The following VPS13A variants were observed in gnomAD, a reference collection of about 807,000 sequenced individuals.
VPS13A encodes vacuolar protein sorting 13 homolog A.
A neutral mutation model predicts 390.9 loss-of-function variants in VPS13A; 264 were observed. The ratio of observed to expected loss-of-function variants is 0.68; its 90% CI spans 0.61 to 0.75. VPS13A has a LOEUF of 0.75. Ranked by LOEUF, VPS13A falls within the 30% of genes least tolerant of loss-of-function variation. The pLI is 0.00. For missense variants in VPS13A, 3,409 were observed against 3,733.9 expected, an observed-to-expected ratio of 0.91 and a Z score of 2.27; for synonymous variants, 1,231 against 1,227.1, an observed-to-expected ratio of 1.00 and a Z score of -0.07.
At chr9:77,209,558 G>C (rs1212275558) in intron 6 of VPS13A, 26 bp downstream of exon 6, 9 of 1,389,082 alleles carry the variant, frequency 6.5e-6, no homozygotes, top group Non-Finnish European at 9.1e-6. Flanking sequence ...TGTGATATTT[G>C]TTTTTATATT....
In VPS13A at chr9:77,418,525, G is replaced by A. The variant is rs142358436; in HGVS notation, c.*2519G>A. 1.4e-4 allele frequency: 21 copies of A among 152,326 alleles called. No homozygotes were observed. Among genetic ancestry groups the A allele is most frequent in the Non-Finnish European group, 2.4e-4 (16 of 68,034 alleles). The allele number at this position is 152,326 out of a possible 1,614,324, so 9.4% of individuals were successfully genotyped here. A position where few individuals can be genotyped will look rare whatever the true frequency, so the allele number is the denominator to read the frequency against. On this transcript the variant is annotated 3_prime_UTR_variant, in exon 72 of 72. Transcript: ENST00000360280. ...CAAAAGGCACATACAGTTCTCCAGT[G>A]TCTTCCCTTTTAGAGTATACATATT...
chr9:77,406,933 G>A (rs1455635392), intron 70 of VPS13A, among the ~76,000 whole-genome samples: 1 of 152,028 alleles, frequency 6.6e-6, no homozygotes, highest in East Asian at 1.9e-4. Flanking sequence ...CTCTGAGACA[G>A]TCCCACTCCC....
intron 17 of VPS13A, among the ~76,000 whole-genome samples, chr9:77,237,598 C>T (rs1044746494): frequency 1.3e-5 from 2 of 152,186 alleles, no homozygotes; most frequent in Non-Finnish European, 1.5e-5. Context: ...CTCTTGACCT[C>T]AAGTTATCCA....
intron 17 of VPS13A, 103 bp downstream of exon 17, chr9:77,228,367 C>A: frequency 8.9e-7 from 1 of 1,121,424 alleles, no homozygotes; most frequent in South Asian, 1.8e-5. Context: ...ACTATAGTTT[C>A]ATATATCCTT....
At chr9:77,367,796 C>G (rs1417263047) in intron 61 of VPS13A, among the ~76,000 whole-genome samples, 2 of 152,028 alleles carry the variant, frequency 1.3e-5, no homozygotes, top group Non-Finnish European at 2.9e-5. Flanking sequence ...TCAGAACTCT[C>G]GAATTTACAT....
intron 31 of VPS13A, among the ~76,000 whole-genome samples, chr9:77,287,713 G>C (rs1827414454): frequency 6.6e-6 from 1 of 152,100 alleles, no homozygotes; most frequent in South Asian, 2.1e-4. Flanking sequence ...TCTGAGCTGT[G>C]GATTTGAGCC....
rs796098221 is a variant in VPS13A, at chr9:77,400,668, CA to C, written c.9190-2558del. On this transcript the variant is annotated intron_variant, in intron 68 of 71. Coordinates refer to ENST00000360280, the MANE Select transcript of VPS13A (RefSeq NM_033305.3). ...TGAAACCCCGTCTCTACTAAAAATA[CA>C]AAAAAAAAATTAGCCGGGCGTGGTG... Among the ~76,000 whole-genome samples, 57 of 145,902 alleles carry C rather than the reference CA, an allele frequency of 3.9e-4. No individual in the cohort carries two copies. The South Asian group carries it at 0.01, about 27-fold the overall frequency.
At position 77,394,637 on chromosome 9, in the gene VPS13A, A is replaced by G. The variant is rs147476906; in HGVS notation, c.9190-8599A>G. The stretch of plus-strand genomic sequence containing the variant: ...GCCAGGCATTTACTTCTCTCTAGCT[A>G]TGAAAGTCCTGGATAGCATCTTTCA... On this transcript the variant is annotated intron_variant, in intron 68 of 71. Coordinates refer to ENST00000360280, the MANE Select transcript of VPS13A (RefSeq NM_033305.3). 4.3e-3 allele frequency among the ~76,000 whole-genome samples: 659 copies of G among 152,328 alleles called. 4 individuals carry two copies. Among genetic ancestry groups the G allele is most frequent in the South Asian group, 0.01 (49 of 4,826 alleles).
chr9:77,256,021 T>A (rs571212072), intron 22 of VPS13A, among the ~76,000 whole-genome samples: 6 of 152,190 alleles, frequency 3.9e-5, no homozygotes, highest in African/African-American at 1.4e-4. Context: ...TTATTTTTTT[T>A]ATTTCGGGTA....
intron 45 of VPS13A, 139 bp downstream of exon 45, chr9:77,323,366 C>T (rs2131455565): frequency 9.7e-7 from 1 of 1,029,154 alleles, no homozygotes; most frequent in East Asian, 2.6e-5. Context: ...AGAAGACTCA[C>T]TACCACCAGT....
intron 3 of VPS13A, among the ~76,000 whole-genome samples, chr9:77,205,030 ATTGTT>A (rs1223801967): frequency 1.3e-5 from 2 of 152,222 alleles, no homozygotes; most frequent in African/African-American, 4.8e-5. Flanking sequence ...GAAGAAGAAC[ATTGTT>A]TTGTTTATGG....
rs1825675190 is a variant in VPS13A, at chr9:77,207,055, TTTTTA to T, written c.385+983_385+987del. 2.0e-5 allele frequency among the ~76,000 whole-genome samples: 3 copies of T among 149,992 alleles called. No homozygotes were observed. The South Asian group carries it at 6.3e-4, about 31-fold the overall frequency. On this transcript the variant is annotated intron_variant, in intron 5 of 71. Transcript: ENST00000360280. ...TTAGGCCTTTTCTTTTTAAAAATTATTTTTATTTTATCAAGATAATATATATACAT... is the reference window on the plus strand; with the variant it reads ...TTAGGCCTTTTCTTTTTAAAAATTATTTTTATCAAGATAATATATATACAT...
chr9:77,220,333 A>G lies in VPS13A; in HGVS notation c.939A>G (p.Pro313=), dbSNP rs770808395. 2.5e-6 allele frequency: 4 copies of G among 1,612,788 alleles called. No homozygotes were observed. The highest frequency in any genetic ancestry group is 2.5e-6 in the Non-Finnish European group (3 of 1,179,342). ...ESVDMMAQNL[P]YRKFKPDVPL... ...TTGATATGATGGCACAAAATCTGCC[A>G]TATAGGAAGTTCAAACCTGATGTGC... The change falls in exon 12 of 72, where the codon CCA becomes CCG. Residue 313 remains proline, a synonymous_variant. Coordinates refer to ENST00000360280, the MANE Select transcript of VPS13A (RefSeq NM_033305.3).
chr9:77,359,301 C>A, intron 57 of VPS13A, 32 bp from the exon 58 acceptor site: 1 of 1,588,842 alleles, frequency 6.3e-7, no homozygotes, highest in Non-Finnish European at 8.6e-7. Context: ...CTTAAAGCAT[C>A]ATGGGAGTAA....
At chr9:77,244,979 G>A (rs1824722109) in intron 19 of VPS13A, among the ~76,000 whole-genome samples, 1 of 152,150 alleles carries the variant, frequency 6.6e-6, no homozygotes, top group African/African-American at 2.4e-5. Context: ...AAACAATTGG[G>A]TGAATTTGGA....
rs77016255 is a variant in VPS13A at position 77,391,512 on chromosome 9, T to C, written c.9189+9425T>C. ...TTTTGTCAGTTAAGAATCTTTTGTT[T>C]TAAATTCAAATGAAATTGATATCCT... is the stretch of plus-strand genomic sequence containing the variant. On this transcript the variant is annotated intron_variant, in intron 68 of 71. Coordinates refer to ENST00000360280, the MANE Select transcript of VPS13A (RefSeq NM_033305.3). Among the ~76,000 whole-genome samples the C allele has an allele frequency of 4.8e-3, 734 of 152,306 alleles. 6 individuals carry two copies. Among genetic ancestry groups the C allele is most frequent in the African/African-American group, 0.017 (696 of 41,562 alleles).
Position 77,282,061 on chromosome 9 carries a change from G to T in VPS13A, c.2965-60G>T. ...TTTATGCCACAAAGCATAGTGCCTT[G>T]TAGAGAGCTGGCAAGCAAATATTTA... On this transcript the variant is annotated intron_variant, in intron 28 of 71. Coordinates refer to ENST00000360280, the MANE Select transcript of VPS13A (RefSeq NM_033305.3). 3.2e-6 allele frequency: 5 copies of T among 1,558,148 alleles called. No homozygotes were observed. The South Asian group carries it at 5.6e-5, about 17-fold the overall frequency.
chr9:77,240,894 G>T (rs1824449411), intron 19 of VPS13A, among the ~76,000 whole-genome samples: 1 of 152,060 alleles, frequency 6.6e-6, no homozygotes, highest in Admixed American at 6.5e-5. Flanking sequence ...GAGAATTCAG[G>T]TGTCAGTGTG....
chr9:77,185,406 C>T (rs1824271127), intron 1 of VPS13A, among the ~76,000 whole-genome samples: 1 of 152,172 alleles, frequency 6.6e-6, no homozygotes, highest in Non-Finnish European at 1.5e-5. Flanking sequence ...TCCCAAAGTG[C>T]TGGGATTACA....
Sources: gnomAD v4.1 joint callset for allele counts (sites outside exome capture counted in the v4.1 genomes callset) on GRCh38, gnomAD v4.1.1 for gene constraint, MANE v1.5 for transcripts, NCBI Gene and HGNC (gene_info 2026-07-23, HGNC 2026-07-21) for gene names.